PARP1: variants seen among roughly 807,000 people sequenced by gnomAD.
PARP1 encodes the protein poly [ADP-ribose] polymerase 1.
Under a neutral mutation model 118.7 loss-of-function variants are expected in PARP1, and 44 were observed. The ratio of observed to expected loss-of-function variants is 0.37; its 90% CI spans 0.29 to 0.48. PARP1 has a LOEUF of 0.48. PARP1 is among the 20% of genes least tolerant of loss of function. The pLI, the probability that PARP1 is intolerant of heterozygous loss-of-function variation, is 0.99. For missense variants in PARP1, 1,100 were observed against 1,272.4 expected, an observed-to-expected ratio of 0.86 and a Z score of 2.06; for synonymous variants, 492 against 483.2, an observed-to-expected ratio of 1.02 and a Z score of -0.24.
At chr1:226,374,140 C>T in intron 14 of PARP1, 86 bp downstream of exon 14, 1 of 1,494,526 alleles carries the variant, frequency 6.7e-7, no homozygotes, top group South Asian at 1.1e-5. Context: ...GAAACAGAAA[C>T]AAGAACAGGC....
At chr1:226,383,410 G>A (rs1414255520) in intron 7 of PARP1, among the ~76,000 whole-genome samples, 1 of 152,140 alleles carries the variant, frequency 6.6e-6, no homozygotes, top group Non-Finnish European at 1.5e-5. Context: ...GGCTAATATT[G>A]TGGCTGCTTT....
chr1:226,402,606 T>C (rs1665060308), intron 1 of PARP1, among the ~76,000 whole-genome samples: 1 of 152,232 alleles, frequency 6.6e-6, no homozygotes. Flanking sequence ...TAGCCCACTG[T>C]TCTTGAGCTC....
intron 9 of PARP1, 93 bp downstream of exon 9, chr1:226,380,975 A>G (rs1335586883): frequency 1.4e-6 from 2 of 1,408,996 alleles, no homozygotes; most frequent in Non-Finnish European, 2.0e-6. Flanking sequence ...CCAGTTTTTC[A>G]GCGCTGTGTT....
intron 19 of PARP1, among the ~76,000 whole-genome samples, chr1:226,364,704 T>C (rs1315159727): frequency 6.6e-6 from 1 of 152,158 alleles, no homozygotes; most frequent in Non-Finnish European, 1.5e-5. Flanking sequence ...GGCTGGGAAG[T>C]GGTAGAGATA....
In PARP1 at chr1:226,364,989, G is replaced by A. The variant is rs1174290619; in HGVS notation, c.2658+13C>T. 5.6e-6 allele frequency: 9 copies of A among 1,613,286 alleles called. No homozygotes were observed. Among genetic ancestry groups the A allele is most frequent in the Non-Finnish European group, 7.6e-6 (9 of 1,180,004 alleles). On this transcript the variant is annotated intron_variant, in intron 19 of 22. Coordinates refer to ENST00000366794, the MANE Select transcript of PARP1 (RefSeq NM_001618.4). Reference sequence around the variant, plus strand: ...ACAGGCATTGCCCACCCCTCGCCAGGCCAGGCACATACCACGGGCGCTTCA... The same window carrying A: ...ACAGGCATTGCCCACCCCTCGCCAGACCAGGCACATACCACGGGCGCTTCA...
chr1:226,362,600 C>T (rs1048170990), intron 21 of PARP1, among the ~76,000 whole-genome samples: 11 of 152,206 alleles, frequency 7.2e-5, no homozygotes, highest in South Asian at 2.1e-4. Flanking sequence ...AATTTCAAAG[C>T]GGCCACTTCA....
chr1:226,378,706 G>A (rs1241434727), intron 12 of PARP1, among the ~76,000 whole-genome samples: 3 of 152,046 alleles, frequency 2.0e-5, no homozygotes, highest in Admixed American at 6.6e-5. Flanking sequence ...ATGGTGGTGC[G>A]CACCTATAGT....
intron 8 of PARP1, 72 bp downstream of exon 8, chr1:226,382,964 C>T (rs1325634084): frequency 1.3e-6 from 2 of 1,528,636 alleles, no homozygotes; most frequent in Non-Finnish European, 1.8e-6. Context: ...TCACCAGCTC[C>T]ACACCACCAG....
intron 3 of PARP1, 112 bp downstream of exon 3, chr1:226,392,087 T>G: frequency 1.2e-6 from 1 of 811,586 alleles, no homozygotes; most frequent in Non-Finnish European, 2.2e-6. Flanking sequence ...TTTAATCACT[T>G]ACGTTGAGCT....
At chr1:226,372,346 A>G (rs984470298) in intron 14 of PARP1, among the ~76,000 whole-genome samples, 1 of 152,168 alleles carries the variant, frequency 6.6e-6, no homozygotes, top group East Asian at 1.9e-4. Context: ...TCTTCCTGCT[A>G]AACTAGTTAC....
chr1:226,382,817 C>T (rs889254604), intron 8 of PARP1, among the ~76,000 whole-genome samples: 4 of 152,168 alleles, frequency 2.6e-5, no homozygotes, highest in Admixed American at 2.0e-4. Flanking sequence ...TGCTCCCAGC[C>T]GATGCTATGT....
chr1:226,382,993 T>C lies in PARP1; in HGVS notation c.1159+43A>G, dbSNP rs374499940. The C allele has an allele frequency of 7.5e-6, 12 of 1,607,398 alleles. No individual in the cohort carries two copies. In the African/African-American group the frequency reaches 1.3e-4, roughly 18 times the overall value. Reference sequence around the variant, plus strand: ...CCACCAGCAAGTAGTGGGCAAACAATTCCTGCAAAGCAGCTCTAAGACCGG... The same window carrying C: ...CCACCAGCAAGTAGTGGGCAAACAACTCCTGCAAAGCAGCTCTAAGACCGG... On this transcript the variant is annotated intron_variant, in intron 8 of 22. Coordinates refer to ENST00000366794, the MANE Select transcript of PARP1 (RefSeq NM_001618.4).
intron 2 of PARP1, among the ~76,000 whole-genome samples, chr1:226,396,233 C>A (rs1297249559): frequency 1.3e-5 from 2 of 152,042 alleles, no homozygotes; most frequent in Admixed American, 6.6e-5. Flanking sequence ...GTAATCCCAG[C>A]TACTTGGGAG....
chr1:226,399,731 C>T (rs1037084290), intron 2 of PARP1, among the ~76,000 whole-genome samples: 7 of 152,180 alleles, frequency 4.6e-5, no homozygotes, highest in Admixed American at 1.3e-4. Flanking sequence ...ACTCCGATAA[C>T]GATGTGTCAA....
At position 226,381,053 on chromosome 1, in the gene PARP1, T is replaced by G; in HGVS notation, c.1300+15A>C. The G allele has an allele frequency of 6.2e-7, 1 of 1,614,092 alleles. No individual in the cohort carries two copies. The highest frequency in any genetic ancestry group is 8.5e-7 in the Non-Finnish European group (1 of 1,179,934). On this transcript the variant is annotated intron_variant, in intron 9 of 22. Coordinates refer to ENST00000366794, the MANE Select transcript of PARP1 (RefSeq NM_001618.4). ...GAAGCATTGTCCCTGTTGCACAAAT[T>G]CAGATTCAACTCACTTTTGGTGCTG...
chr1:226,378,924 T>C (rs1041816692), intron 12 of PARP1, among the ~76,000 whole-genome samples: 1 of 152,216 alleles, frequency 6.6e-6, no homozygotes, highest in African/African-American at 2.4e-5. Flanking sequence ...AAACCATACC[T>C]TGGGACAACT....
At chr1:226,392,335 C>T in intron 2 of PARP1, 21 bp from the exon 3 acceptor site, 7 of 1,554,412 alleles carry the variant, frequency 4.5e-6, no homozygotes, top group Non-Finnish European at 6.2e-6. Context: ...AAACAGACAG[C>T]AATGCTCATC....
chr1:226,370,376 C>T (rs2102730126), intron 15 of PARP1, 58 bp downstream of exon 15: 1 of 1,261,052 alleles, frequency 7.9e-7, no homozygotes, highest in Non-Finnish European at 1.2e-6. Flanking sequence ...CCCCAGGTCT[C>T]ACCCCCTAAG....
rs1331560342 is a variant in PARP1 at position 226,377,203 on chromosome 1, T to G, written c.1846A>C (p.Lys616Gln). 1.9e-6 allele frequency: 3 copies of G among 1,614,080 alleles called. No individual in the cohort carries two copies. The highest frequency in any genetic ancestry group is 1.7e-4 in the Middle Eastern group (1 of 6,060). Reference protein sequence around the residue: ...SKEDAIEHFMKLYEEKTGNAW... With the variant: ...SKEDAIEHFMQLYEEKTGNAW... ...TTCCCGGTTTTTTCTTCATATAATT[T>G]CATGAAGTGCTCAATGGCATCCTCC... The change falls in exon 13 of 23, where the codon AAA becomes CAA. Residue 616 changes from lysine to glutamine, a missense_variant. Lys to Gln is a moderately conservative substitution (Grantham distance 53). This residue lies in a region of PARP1 where 948 missense variants were observed against 1,031.8 expected (regional missense o/e 0.92). Transcript: ENST00000366794.
Sources: allele counts gnomAD v4.1 joint callset (sites outside exome capture counted in the v4.1 genomes callset), GRCh38; gene constraint gnomAD v4.1.1; regional missense constraint gnomAD v4.1.1; transcripts MANE v1.5; gene names NCBI Gene and HGNC (gene_info 2026-07-23, HGNC 2026-07-21).